The following ITPR1 variants were observed in gnomAD, a reference collection of about 807,000 sequenced individuals.
ITPR1 encodes the protein inositol 1,4,5-trisphosphate-gated calcium channel ITPR1.
A neutral mutation model predicts 318.4 loss-of-function variants in ITPR1; 96 were observed. The observed-to-expected ratio is 0.30, with a 90% CI of 0.26 to 0.36. The LOEUF (loss-of-function observed/expected upper bound fraction) is 0.36, where lower values mean the gene tolerates loss of function less well. ITPR1 is among the 10% of genes least tolerant of loss of function. The probability of loss-of-function intolerance (pLI) is 1.00; values close to 1 mark genes in which losing one functional copy is unlikely to be tolerated. For synonymous variants in ITPR1, 1,312 were observed against 1,289.9 expected, an observed-to-expected ratio of 1.02 and a Z score of -0.37; for missense variants, 2,440 against 3,460.2, an observed-to-expected ratio of 0.71 and a Z score of 7.40.
chr3:4,688,564 A>G lies in ITPR1; in HGVS notation c.3772A>G (p.Asn1258Asp). ...ATTTTTGCAGAATTTCTGCGCAGGC[A>G]ACCAGCAGAATCAAGCTTTGCTACA... ...HEFLQNFCAG[N>D]QQNQALLHKH... Residue 1258 changes from asparagine to aspartate, a missense_variant, in exon 31 of 62, where the codon AAC becomes GAC. Asn to Asp is a conservative substitution (Grantham distance 23). Transcript: ENST00000649015. 6.2e-7 allele frequency: 1 copy of G among 1,614,006 alleles called. No homozygotes were observed. Among genetic ancestry groups the G allele is most frequent in the East Asian group, 2.2e-5 (1 of 44,892 alleles).
At chr3:4,631,849 C>G (rs990734970) in intron 5 of ITPR1, among the ~76,000 whole-genome samples, 2 of 152,098 alleles carry the variant, frequency 1.3e-5, no homozygotes, top group African/African-American at 2.4e-5. Context: ...TGCAGTGATG[C>G]CATCATGGCT....
chr3:4,697,833 T>C (rs1313766332), intron 34 of ITPR1, among the ~76,000 whole-genome samples: 3 of 152,168 alleles, frequency 2.0e-5, no homozygotes, highest in East Asian at 1.9e-4. Context: ...CTGGTTTTCA[T>C]GTCACCCCTG....
intron 52 of ITPR1, among the ~76,000 whole-genome samples, chr3:4,794,696 A>C (rs375117300): frequency 6.6e-6 from 1 of 151,830 alleles, no homozygotes; most frequent in Admixed American, 6.6e-5. Flanking sequence ...CGGGCATCTC[A>C]TCTGGTCCCA....
Position 4,668,214 on chromosome 3 carries a change from A to ATTT in ITPR1, c.1886+683_1886+685dup, listed in dbSNP as rs60932812. Among the ~76,000 whole-genome samples, 161 of 117,658 alleles carry ATTT rather than the reference A, an allele frequency of 1.4e-3. 2 individuals are homozygous for ATTT. Among genetic ancestry groups the ATTT allele is most frequent in the African/African-American group, 4.5e-3 (144 of 32,144 alleles). The allele number at this position is 117,658 out of a possible 152,430, so 77.2% of individuals were successfully genotyped here. On this transcript the variant is annotated intron_variant, in intron 18 of 61. Transcript: ENST00000649015. ...ACAGTAGGTCTTATTCGTTCTTTCT[A>ATTT]TTTTTTTTTTTTTTTTTTTTACCTG...
chr3:4,557,145 C>G (rs951398534), intron 4 of ITPR1, among the ~76,000 whole-genome samples: 1 of 152,082 alleles, frequency 6.6e-6, no homozygotes, highest in Non-Finnish European at 1.5e-5. Context: ...AAGACATACC[C>G]GAGACTGGGT....
intron 44 of ITPR1, among the ~76,000 whole-genome samples, chr3:4,742,609 G>A (rs182893101): frequency 1.8e-4 from 27 of 152,184 alleles, no homozygotes; most frequent in Non-Finnish European, 8.8e-5. Flanking sequence ...AGATGATGTG[G>A]TTCTTATTTT....
At chr3:4,502,947 T>C (rs2081132639) in intron 2 of ITPR1, among the ~76,000 whole-genome samples, 1 of 151,828 alleles carries the variant, frequency 6.6e-6, no homozygotes, top group Admixed American at 6.5e-5. Flanking sequence ...TAGCTGGGCA[T>C]GATGGTGGGC....
At chr3:4,682,256 C>T (rs544730076) in intron 26 of ITPR1, among the ~76,000 whole-genome samples, 1 of 152,242 alleles carries the variant, frequency 6.6e-6, no homozygotes, top group Non-Finnish European at 1.5e-5. Context: ...AGCAGAGATG[C>T]CTGCAAGGCC....
chr3:4,843,074 G>GTTTTTTTTTTTTTTTTT (rs11404208), intron 61 of ITPR1, among the ~76,000 whole-genome samples: 6 of 105,444 alleles, frequency 5.7e-5, no homozygotes, highest in East Asian at 3.2e-4. Context: ...GTTTTGAGGG[G>GTTTTTTTTTTTTTTTTT]TTTTTTTTTT....
Position 4,847,090 on chromosome 3 carries a change from T to C in ITPR1, c.*865T>C, listed in dbSNP as rs773387018. 5 of 152,652 alleles carry C rather than the reference T, an allele frequency of 3.3e-5. No individual in the cohort carries two copies. The highest frequency in any genetic ancestry group is 5.9e-5 in the Non-Finnish European group (4 of 68,042). 9.5% of individuals were successfully genotyped at this position (152,652 alleles called of 1,614,324 possible). A position where few individuals can be genotyped will look rare whatever the true frequency, so the allele number is the denominator to read the frequency against. The stretch of plus-strand genomic sequence containing the variant: ...TGATGTCGCATTATAAAGACATGCA[T>C]AATTGATGGTTTCTAGATTATCTAG... On this transcript the variant is annotated 3_prime_UTR_variant, in exon 62 of 62. Transcript: ENST00000649015.
chr3:4,556,709 C>G (rs960353088), intron 4 of ITPR1, among the ~76,000 whole-genome samples: 9 of 152,108 alleles, frequency 5.9e-5, no homozygotes, highest in Admixed American at 5.2e-4. Context: ...TATATTCATT[C>G]ACTTACTGAA....
intron 4 of ITPR1, among the ~76,000 whole-genome samples, chr3:4,591,337 C>G (rs1216856135): frequency 6.6e-6 from 1 of 152,196 alleles, no homozygotes; most frequent in African/African-American, 2.4e-5. Flanking sequence ...AATTTACACT[C>G]CCACCAACAG....
In ITPR1 at chr3:4,649,181, G is replaced by T. The variant is rs555454440; in HGVS notation, c.856-2942G>T. ...ATAGAAAATCAAGAAAACAAGGGAA[G>T]AAGTGAAGTGTTGTTTCACTGATTT... On this transcript the variant is annotated intron_variant, in intron 10 of 61. Coordinates refer to ENST00000649015, the MANE Select transcript of ITPR1 (RefSeq NM_001378452.1). 1.2e-4 allele frequency among the ~76,000 whole-genome samples: 19 copies of T among 152,320 alleles called. No homozygotes were observed. The East Asian group carries it at 3.5e-3, about 28-fold the overall frequency.
chr3:4,560,678 A>G (rs1285737068), intron 4 of ITPR1, among the ~76,000 whole-genome samples: 2 of 152,192 alleles, frequency 1.3e-5, no homozygotes. Flanking sequence ...ACAGCCTTGA[A>G]AGAATCTTCT....
chr3:4,831,148 C>CACACACACACAT (rs1483821700), intron 60 of ITPR1: 1 of 381,174 alleles, frequency 2.6e-6, no homozygotes, highest in African/African-American at 2.1e-5. Flanking sequence ...CACACACACA[C>CACACACACACAT]ACACACTCAC....
intron 2 of ITPR1, among the ~76,000 whole-genome samples, chr3:4,502,182 T>C (rs1192864376): frequency 1.3e-5 from 2 of 152,150 alleles, no homozygotes; most frequent in South Asian, 2.1e-4. Flanking sequence ...CCCACCCCCG[T>C]CTGTCCACCT....
intron 53 of ITPR1, among the ~76,000 whole-genome samples, chr3:4,796,302 T>TC (rs1000876895): frequency 2.0e-5 from 3 of 151,102 alleles, no homozygotes; most frequent in African/African-American, 7.3e-5. Context: ...AGGGGGGATT[T>TC]TTTTTTTAAT....
intron 60 of ITPR1, 65 bp downstream of exon 60, chr3:4,818,307 C>G: frequency 7.5e-7 from 1 of 1,331,524 alleles, no homozygotes; most frequent in East Asian, 2.4e-5. Context: ...AGCAAGGCCC[C>G]AGCAGCCCAT....
intron 53 of ITPR1, among the ~76,000 whole-genome samples, chr3:4,799,205 G>A (rs574181515): frequency 1.3e-5 from 2 of 152,338 alleles, no homozygotes; most frequent in African/African-American, 4.8e-5. Flanking sequence ...GTAGACCGGG[G>A]ACAGTAGGAT....
Sources: gnomAD v4.1 joint callset for allele counts (sites outside exome capture counted in the v4.1 genomes callset) on GRCh38, gnomAD v4.1.1 for gene constraint, MANE v1.5 for transcripts, NCBI Gene and HGNC (gene_info 2026-07-23, HGNC 2026-07-21) for gene names.